KIAA1958: variants seen among roughly 807,000 people sequenced by gnomAD.
KIAA1958 encodes KIAA1958.
In KIAA1958, 14 loss-of-function variants were observed where a neutral mutation model predicts 47.2. The observed-to-expected ratio is 0.30, with a 90% confidence interval of 0.20 to 0.46. KIAA1958 has a LOEUF of 0.46. Among genes scored for constraint, KIAA1958 ranks in the 20% least tolerant of loss-of-function variants. The pLI is 1.00. For synonymous variants in KIAA1958, 354 were observed against 353.3 expected (o/e 1.00, Z -0.02); for missense variants, 803 against 909.2 (o/e 0.88, Z 1.50).
intron 2 of KIAA1958, among the ~76,000 whole-genome samples, chr9:112,591,982 C>G (rs1156952383): frequency 6.6e-6 from 1 of 152,056 alleles, no homozygotes; most frequent in Non-Finnish European, 1.5e-5. Flanking sequence ...CGCACGTGGC[C>G]CTTGCTGCTG....
intron 2 of KIAA1958, among the ~76,000 whole-genome samples, chr9:112,630,960 A>C (rs549882908): frequency 1.3e-5 from 2 of 152,368 alleles, no homozygotes; most frequent in Admixed American, 6.5e-5. Context: ...TGCAAGTTTT[A>C]CACTTAAAAT....
At chr9:112,607,768 G>C (rs78412140) in intron 2 of KIAA1958, among the ~76,000 whole-genome samples, 5 of 117,314 alleles carry the variant, frequency 4.3e-5, no homozygotes, top group Non-Finnish European at 8.9e-5. Context: ...AAAAAAAAAG[G>C]CAAAGGCAAT....
At chr9:112,652,131 G>T (rs185989824) in intron 3 of KIAA1958, among the ~76,000 whole-genome samples, 1 of 152,068 alleles carries the variant, frequency 6.6e-6, no homozygotes, top group Admixed American at 6.5e-5. Context: ...CTCGCAAAGT[G>T]CTGGGATTAC....
rs1464756747 is a variant in KIAA1958 at position 112,659,797 on chromosome 9, C to G, written c.1879C>G (p.Gln627Glu). Residue 627 changes from glutamine to glutamate, a missense_variant, in exon 4 of 4, where the codon CAG becomes GAG. Physicochemically the swap from Gln to Glu is conservative, Grantham distance 29. Around this residue, in one of 2 missense-constraint regions of KIAA1958, gnomAD observed 761 missense variants for 829.3 expected, o/e 0.92. Coordinates refer to ENST00000337530, the MANE Select transcript of KIAA1958 (RefSeq NM_133465.4). ...CCATGAGCATTCCCGGGGACACAAA[C>G]AGTGCCCTTACTGCCTCCTCTACAA... ...IYHEHSRGHK[Q>E]CPYCLLYKYM... is the part of the protein sequence containing the mutation. 2 of 1,614,186 alleles carry G rather than the reference C, an allele frequency of 1.2e-6. No homozygotes were observed. Among genetic ancestry groups the G allele is most frequent in the East Asian group, 2.2e-5 (1 of 44,884 alleles).
At chr9:112,590,408 A>G (rs1315714690) in intron 2 of KIAA1958, among the ~76,000 whole-genome samples, 9 of 149,652 alleles carry the variant, frequency 6.0e-5, no homozygotes, top group Admixed American at 1.3e-4. Flanking sequence ...CTGGAGTGCA[A>G]TGGCGCGATC....
chr9:112,508,260 C>T (rs1212817954), intron 1 of KIAA1958, among the ~76,000 whole-genome samples: 1 of 152,084 alleles, frequency 6.6e-6, no homozygotes, highest in Non-Finnish European at 1.5e-5. Flanking sequence ...ATCCATTTAA[C>T]TTGCTTTTTC....
intron 1 of KIAA1958, among the ~76,000 whole-genome samples, chr9:112,560,711 A>G (rs749243925): frequency 2.0e-5 from 3 of 152,202 alleles, no homozygotes; most frequent in Admixed American, 6.6e-5. Context: ...GGGTAGGTGA[A>G]GTATGGTAGA....
At chr9:112,503,733 G>C (rs1029390179) in intron 1 of KIAA1958, among the ~76,000 whole-genome samples, 2 of 151,502 alleles carry the variant, frequency 1.3e-5, no homozygotes, top group African/African-American at 4.8e-5. Flanking sequence ...GGGTAGGGTA[G>C]ATCATGTAGA....
intron 1 of KIAA1958, among the ~76,000 whole-genome samples, chr9:112,535,934 C>T (rs1321113330): frequency 6.6e-6 from 1 of 152,138 alleles, no homozygotes; most frequent in African/African-American, 2.4e-5. Flanking sequence ...TCAGTTCTGA[C>T]TTTTTCTTCA....
chr9:112,574,979 A>T lies in KIAA1958; in HGVS notation c.899A>T (p.His300Leu). The T allele has an allele frequency of 6.2e-7, 1 of 1,614,168 alleles. No homozygotes were observed. The highest frequency in any genetic ancestry group is 8.5e-7 in the Non-Finnish European group (1 of 1,180,010). The part of the protein sequence containing the change: ...ASPNRGPPGT[H>L]GTNQQVAMQM... ...CCAAACAGAGGACCCCCTGGTACAC[A>T]TGGCACCAACCAACAGGTGGCCATG... Residue 300 changes from histidine to leucine, a missense_variant, in exon 2 of 4, where the codon CAT (histidine) becomes CTT (leucine). By Grantham distance (99) the His-to-Leu change is moderately conservative (BLOSUM62 -3). Around this residue, in one of 2 missense-constraint regions of KIAA1958, gnomAD observed 761 missense variants for 829.3 expected, o/e 0.92. Transcript: ENST00000337530.
chr9:112,608,919 A>T (rs1034432892), intron 2 of KIAA1958, among the ~76,000 whole-genome samples: 1 of 152,250 alleles, frequency 6.6e-6, no homozygotes, highest in Non-Finnish European at 1.5e-5. Flanking sequence ...ATGCAAAGTT[A>T]TAACAACAGT....
Position 112,506,598 on chromosome 9 carries a change from G to T in KIAA1958, c.-25+19480G>T, listed in dbSNP as rs557294957. Among the ~76,000 whole-genome samples the T allele has an allele frequency of 2.4e-4, 36 of 152,268 alleles. No homozygotes were observed. In the East Asian group the frequency reaches 6.7e-3, roughly 29 times the overall value. On this transcript the variant is annotated intron_variant, in intron 1 of 3. Transcript: ENST00000337530. ...CCTGGGTACTTGGGGGTTGCACAAGGTTCCGTTACTTTTTTTACTGGGAAA... is the reference window on the plus strand; with the variant it reads ...CCTGGGTACTTGGGGGTTGCACAAGTTTCCGTTACTTTTTTTACTGGGAAA...
chr9:112,585,233 G>A (rs142634252), intron 2 of KIAA1958, among the ~76,000 whole-genome samples: 124 of 152,286 alleles, frequency 8.1e-4, no homozygotes, highest in African/African-American at 2.9e-3. Context: ...CTGCCTCAAG[G>A]ATATCATTGT....
chr9:112,568,776 T>A (rs969298794), intron 1 of KIAA1958, among the ~76,000 whole-genome samples: 20 of 150,432 alleles, frequency 1.3e-4, no homozygotes, highest in African/African-American at 4.6e-4. Flanking sequence ...TGGTCCCAGC[T>A]GCTAGGGAGG....
intron 2 of KIAA1958, among the ~76,000 whole-genome samples, chr9:112,633,698 A>T (rs150511265): frequency 6.6e-6 from 1 of 152,248 alleles, no homozygotes; most frequent in South Asian, 2.1e-4. Context: ...TTTTAATTAC[A>T]TAAATGAACC....
At position 112,597,416 on chromosome 9, in the gene KIAA1958, G is replaced by A. The variant is rs114658368; in HGVS notation, c.1171+22165G>A. 7.5e-3 allele frequency among the ~76,000 whole-genome samples: 1,138 copies of A among 152,268 alleles called. 13 individuals carry two copies. Among genetic ancestry groups the A allele is most frequent in the African/African-American group, 0.026 (1,065 of 41,552 alleles). The stretch of plus-strand genomic sequence containing the variant: ...CTGGAGGTCACACAGTAAGAAGCAC[G>A]GAAAGCTGGAATTTTGATCCAGGTG... On this transcript the variant is annotated intron_variant, in intron 2 of 3. Coordinates refer to ENST00000337530, the MANE Select transcript of KIAA1958 (RefSeq NM_133465.4).
At chr9:112,632,510 A>T (rs1836727710) in intron 2 of KIAA1958, among the ~76,000 whole-genome samples, 1 of 152,206 alleles carries the variant, frequency 6.6e-6, no homozygotes, top group Admixed American at 6.5e-5. Context: ...GCAAGCTCCC[A>T]GCAGCCTGGC....
intron 3 of KIAA1958, among the ~76,000 whole-genome samples, 191 bp from the exon 4 acceptor site, chr9:112,659,072 G>A (rs1358606702): frequency 1.3e-5 from 2 of 151,012 alleles, no homozygotes; most frequent in African/African-American, 4.9e-5. Flanking sequence ...AAATACTGAG[G>A]TTTAAAGAGA....
At chr9:112,560,182 C>CA (rs1835302414) in intron 1 of KIAA1958, among the ~76,000 whole-genome samples, 1 of 136,082 alleles carries the variant, frequency 7.3e-6, no homozygotes. Flanking sequence ...TTTGAAGCTG[C>CA]TTTTTTTTTC....
Sources: allele counts gnomAD v4.1 joint callset (sites outside exome capture counted in the v4.1 genomes callset), GRCh38; gene constraint gnomAD v4.1.1; regional missense constraint gnomAD v4.1.1; transcripts MANE v1.5; gene names NCBI Gene and HGNC (gene_info 2026-07-23, HGNC 2026-07-21).